Variants in TYW1B observed in about 807,000 individuals in gnomAD.
TYW1B encodes S-adenosyl-L-methionine-dependent tRNA 4-demethylwyosine synthase TYW1B.
A neutral mutation model predicts 86.9 loss-of-function variants in TYW1B; 73 were observed. That is an observed-to-expected ratio of 0.84 (90% CI 0.70 to 1.02). The LOEUF (loss-of-function observed/expected upper bound fraction) is 1.02, where lower values mean the gene tolerates loss of function less well. Ranked by LOEUF, TYW1B falls within the 50% of genes least tolerant of loss-of-function variation. The pLI, the probability that TYW1B is intolerant of heterozygous loss-of-function variation, is 0.00. For missense variants in TYW1B, 637 were observed against 827.4 expected (o/e 0.77, Z 2.82); for synonymous variants, 248 against 292.8 (o/e 0.85, Z 1.56).
Position 72,614,549 on chromosome 7 carries a change from C to A in TYW1B, c.1785+2123G>T, listed in dbSNP as rs575417068. ...TCAGGAGGCTAAGGCAGGAGAATCG[C>A]TTGAAGGGAGGAGGCAGAGGTTGCA... On this transcript the variant is annotated intron_variant, in intron 13 of 13. Transcript: ENST00000620995. 2.0e-5 allele frequency among the ~76,000 whole-genome samples: 3 copies of A among 151,752 alleles called. No individual in the cohort carries two copies. In the East Asian group the frequency reaches 5.9e-4, roughly 30 times the overall value.
chr7:72,661,438 T>C (rs1260997619), intron 11 of TYW1B, among the ~76,000 whole-genome samples: 3 of 151,198 alleles, frequency 2.0e-5, no homozygotes, highest in Non-Finnish European at 4.4e-5. Context: ...CTGTATTTAC[T>C]ATGCACAAAC....
At chr7:72,585,743 T>C (rs1477119629) in intron 13 of TYW1B, among the ~76,000 whole-genome samples, 3 of 152,310 alleles carry the variant, frequency 2.0e-5, no homozygotes, top group Admixed American at 1.3e-4. Context: ...CCTTCTGCCA[T>C]GATTGTGATG....
chr7:72,722,254 G>A (rs1786918164), intron 9 of TYW1B, among the ~76,000 whole-genome samples: 1 of 152,150 alleles, frequency 6.6e-6, no homozygotes, highest in Non-Finnish European at 1.5e-5. Flanking sequence ...TTTATTTCTT[G>A]CAGTACTTTG....
rs556444318 is a variant in TYW1B, at chr7:72,725,595, A to T, written c.1192+3227T>A. Among the ~76,000 whole-genome samples, 3 of 152,272 alleles carry T rather than the reference A, an allele frequency of 2.0e-5. No homozygotes were observed. In the South Asian group the frequency reaches 6.2e-4, roughly 32 times the overall value. ...TGGAGGTGTTTTGGATGAGATTAACATTTAAATTGCTGGGCTTTCAGTAAA... is the reference window on the plus strand; with the variant it reads ...TGGAGGTGTTTTGGATGAGATTAACTTTTAAATTGCTGGGCTTTCAGTAAA... On this transcript the variant is annotated intron_variant, in intron 9 of 13. Coordinates refer to ENST00000620995, the MANE Select transcript of TYW1B (RefSeq NM_001145440.3).
intron 6 of TYW1B, among the ~76,000 whole-genome samples, chr7:72,785,083 C>T (rs1268846567): frequency 2.0e-5 from 3 of 151,942 alleles, no homozygotes; most frequent in Non-Finnish European, 4.4e-5. Context: ...CCATCTGTCT[C>T]CCTAACATTC....
At chr7:72,807,923 T>C (rs1554477142) in intron 4 of TYW1B, among the ~76,000 whole-genome samples, 2 of 152,070 alleles carry the variant, frequency 1.3e-5, no homozygotes, top group African/African-American at 4.8e-5. Flanking sequence ...TTTACATATC[T>C]ACGCCAGGCG....
intron 6 of TYW1B, among the ~76,000 whole-genome samples, chr7:72,801,221 CG>C (rs1788399050): frequency 6.6e-6 from 1 of 152,080 alleles, no homozygotes; most frequent in African/African-American, 2.4e-5. Flanking sequence ...CCCGGCTACT[CG>C]GGAGGCTGAG....
chr7:72,712,162 A>T (rs534937855), intron 10 of TYW1B, among the ~76,000 whole-genome samples: 3 of 151,796 alleles, frequency 2.0e-5, no homozygotes, highest in Non-Finnish European at 4.4e-5. Flanking sequence ...TCATCATCCT[A>T]CCACCTAAAC....
chr7:72,688,090 A>G (rs1554449746), intron 11 of TYW1B, among the ~76,000 whole-genome samples: 1 of 152,228 alleles, frequency 6.6e-6, no homozygotes, highest in African/African-American at 2.4e-5. Context: ...TTTCAATTTT[A>G]TAAGTGAAAT....
intron 13 of TYW1B, among the ~76,000 whole-genome samples, chr7:72,583,279 G>A (rs527566676): frequency 2.6e-4 from 40 of 152,192 alleles, no homozygotes; most frequent in Non-Finnish European, 4.6e-4. Flanking sequence ...GAACCCGGGA[G>A]GTGGAGGTTG....
chr7:72,757,053 C>T (rs921378808), intron 7 of TYW1B, among the ~76,000 whole-genome samples: 40 of 152,104 alleles, frequency 2.6e-4, no homozygotes, highest in African/African-American at 9.7e-4. Flanking sequence ...AAAAACGTAT[C>T]TCCATGCGAA....
chr7:72,617,778 C>A (rs1812113394), intron 12 of TYW1B, among the ~76,000 whole-genome samples: 1 of 152,142 alleles, frequency 6.6e-6, no homozygotes, highest in African/African-American at 2.4e-5. Context: ...CCTTTACACA[C>A]AACTACATAT....
intron 11 of TYW1B, among the ~76,000 whole-genome samples, chr7:72,690,984 C>T (rs1157532082): frequency 6.6e-6 from 1 of 152,170 alleles, no homozygotes; most frequent in East Asian, 1.9e-4. Flanking sequence ...AACTCCTGAC[C>T]TCAAGTGATC....
At chr7:72,747,838 AT>A (rs1289033865) in intron 7 of TYW1B, among the ~76,000 whole-genome samples, 3 of 152,094 alleles carry the variant, frequency 2.0e-5, no homozygotes, top group African/African-American at 7.2e-5. Context: ...ATTTTCATTT[AT>A]TTTTTTATCA....
intron 11 of TYW1B, among the ~76,000 whole-genome samples, chr7:72,691,198 G>A (rs1323661798): frequency 6.6e-6 from 1 of 152,190 alleles, no homozygotes; most frequent in African/African-American, 2.4e-5. Flanking sequence ...GGAAGTAACA[G>A]CTTGAGTCAA....
chr7:72,653,858 G>T (rs1286163790), intron 11 of TYW1B, among the ~76,000 whole-genome samples: 3 of 152,098 alleles, frequency 2.0e-5, no homozygotes, highest in Non-Finnish European at 4.4e-5. Context: ...GAAGCGGGTG[G>T]ATCACAAGGT....
intron 11 of TYW1B, among the ~76,000 whole-genome samples, chr7:72,655,774 G>A (rs1471621434): frequency 1.3e-5 from 2 of 152,146 alleles, no homozygotes; most frequent in African/African-American, 2.4e-5. Flanking sequence ...CTGAAAACGT[G>A]GTTTCTCTGG....
intron 10 of TYW1B, among the ~76,000 whole-genome samples, chr7:72,713,274 C>T (rs1459836248): frequency 1.5e-5 from 2 of 137,330 alleles, no homozygotes; most frequent in East Asian, 2.3e-4. Context: ...GCACTCAAGC[C>T]GGGGAGACAG....
chr7:72,575,286 G>C lies in TYW1B; in HGVS notation c.*212C>G. Reference sequence around the variant, plus strand: ...TCCTCTTAGAAGTAAAATCAGGAAAGGGGCTGAGTTCTGAAAAGAAACATC... The same window carrying C: ...TCCTCTTAGAAGTAAAATCAGGAAACGGGCTGAGTTCTGAAAAGAAACATC... On this transcript the variant is annotated 3_prime_UTR_variant, in exon 14 of 14. Transcript: ENST00000620995. 7.2e-7 allele frequency: 1 copy of C among 1,388,530 alleles called. No homozygotes were observed. Among genetic ancestry groups the C allele is most frequent in the Non-Finnish European group, 9.3e-7 (1 of 1,070,112 alleles). The allele number at this position is 1,388,530 out of a possible 1,614,324, so 86.0% of individuals were successfully genotyped here.
Sources: allele counts gnomAD v4.1 joint callset (sites outside exome capture counted in the v4.1 genomes callset), GRCh38; gene constraint gnomAD v4.1.1; transcripts MANE v1.5; gene names NCBI Gene and HGNC (gene_info 2026-07-23, HGNC 2026-07-21).